The following EPRS1 variants were observed in gnomAD, a reference collection of about 807,000 sequenced individuals.
EPRS1 encodes glutamyl-prolyl-tRNA synthetase 1, also known as bifunctional glutamate/proline--tRNA ligase.
In EPRS1, 107 loss-of-function variants were observed where a neutral mutation model predicts 188.3. The ratio of observed to expected loss-of-function variants is 0.57; its 90% CI spans 0.49 to 0.67. The LOEUF is 0.67. Among genes scored for constraint, EPRS1 ranks in the 30% least tolerant of loss-of-function variants. The pLI, the probability that EPRS1 is intolerant of heterozygous loss-of-function variation, is 0.00. For synonymous variants in EPRS1, 596 were observed against 593.1 expected, an observed-to-expected ratio of 1.00 and a Z score of -0.07; for missense variants, 1,577 against 1,802.2, an observed-to-expected ratio of 0.88 and a Z score of 2.26.
At chr1:219,974,722 A>C (rs1296204677) in intron 28 of EPRS1, among the ~76,000 whole-genome samples, 4 of 152,184 alleles carry the variant, frequency 2.6e-5, no homozygotes, top group Admixed American at 2.6e-4. Flanking sequence ...TAAATATTAC[A>C]TTATTTTATT....
At chr1:219,986,842 C>CA (rs774184464) in intron 20 of EPRS1, among the ~76,000 whole-genome samples, 25 of 151,490 alleles carry the variant, frequency 1.7e-4, no homozygotes, top group Admixed American at 4.6e-4. Flanking sequence ...GAAAATCGCT[C>CA]AACAGATACA....
chr1:219,978,441 A>C, intron 28 of EPRS1, 105 bp downstream of exon 28: 1 of 840,432 alleles, frequency 1.2e-6, no homozygotes, highest in Non-Finnish European at 1.8e-6. Context: ...CAACTATCAA[A>C]ATAGAGGAAA....
intron 4 of EPRS1, among the ~76,000 whole-genome samples, chr1:220,032,727 C>T (rs566025891): frequency 6.6e-6 from 1 of 152,102 alleles, no homozygotes; most frequent in Non-Finnish European, 1.5e-5. Context: ...ACCGTAGATA[C>T]AACCAACTGA....
At chr1:219,994,264 G>C (rs140673484) in intron 18 of EPRS1, among the ~76,000 whole-genome samples, 1 of 152,040 alleles carries the variant, frequency 6.6e-6, no homozygotes, top group Non-Finnish European at 1.5e-5. Context: ...AAATGCTCCC[G>C]GTCTGAGTGT....
At chr1:220,022,861 CCTTCT>C (rs369862599) in intron 8 of EPRS1, among the ~76,000 whole-genome samples, 77 of 152,354 alleles carry the variant, frequency 5.1e-4, no homozygotes, top group African/African-American at 1.8e-3. Context: ...CGGGCCAGCC[CCTTCT>C]CTTCTCATCT....
chr1:219,973,527 A>C (rs1660710398), intron 28 of EPRS1, 129 bp from the exon 29 acceptor site: 3 of 415,854 alleles, frequency 7.2e-6, no homozygotes, highest in Non-Finnish European at 7.5e-6. Context: ...CAAAAAAAAC[A>C]AGAGAAAAAA....
At chr1:219,988,018 C>T (rs2647459) in intron 19 of EPRS1, among the ~76,000 whole-genome samples, 88,303 of 151,938 alleles carry the variant, frequency 0.58, 26,952 homozygotes, top group Non-Finnish European at 0.69. Flanking sequence ...CATTAAATTA[C>T]ATAAGTTGAA....
chr1:219,975,096 C>A (rs537432401), intron 28 of EPRS1, among the ~76,000 whole-genome samples: 1 of 152,210 alleles, frequency 6.6e-6, no homozygotes, highest in South Asian at 2.1e-4. Context: ...TTAAAGAAAA[C>A]TAAAAGGCAT....
chr1:219,987,145 G>T lies in EPRS1; in HGVS notation c.3035C>A (p.Thr1012Asn). Residue 1012 changes from threonine to asparagine, a missense_variant, in exon 20 of 32, where the codon ACC becomes AAC. Coordinates refer to ENST00000366923, the MANE Select transcript of EPRS1 (RefSeq NM_004446.3). The part of the protein sequence containing the change: ...AGEGQGPKKQ[T>N]RLGLEAKKEE... ...TGAAGTTTCTGCGATTCATTACCTG[G>T]TCTGTTTCTTAGGCCCCTGCCCTTC... 3 of 1,604,730 alleles carry T rather than the reference G, an allele frequency of 1.9e-6. No individual in the cohort carries two copies. Among genetic ancestry groups the T allele is most frequent in the Non-Finnish European group, 2.5e-6 (3 of 1,177,400 alleles).
intron 2 of EPRS1, among the ~76,000 whole-genome samples, chr1:220,039,172 A>G (rs2102600135): frequency 6.6e-6 from 1 of 152,296 alleles, no homozygotes; most frequent in African/African-American, 2.4e-5. Context: ...CTGAAGCAAC[A>G]TTCCCCTGTC....
At chr1:220,033,741 C>T in intron 3 of EPRS1, 83 bp from the exon 4 acceptor site, 2 of 950,290 alleles carry the variant, frequency 2.1e-6, no homozygotes, top group Non-Finnish European at 3.3e-6. Flanking sequence ...TTCTAGTTAA[C>T]TAGAGCAACA....
At chr1:220,018,424 G>C (rs770290830) in intron 12 of EPRS1, 25 bp downstream of exon 12, 4 of 1,566,508 alleles carry the variant, frequency 2.6e-6, no homozygotes, top group Non-Finnish European at 3.5e-6. Flanking sequence ...CATGAGAAAA[G>C]AAGGCAGAGA....
chr1:220,032,656 T>A, intron 4 of EPRS1, 130 bp from the exon 5 acceptor site: 1 of 865,470 alleles, frequency 1.2e-6, no homozygotes, highest in Non-Finnish European at 1.8e-6. Flanking sequence ...ATGTTAAATA[T>A]CTGGATATAC....
At chr1:219,998,918 C>CA (rs35145633) in intron 17 of EPRS1, among the ~76,000 whole-genome samples, 5,142 of 126,384 alleles carry the variant, frequency 0.041, 251 homozygotes, top group African/African-American at 0.13. Context: ...AGTGTAACAC[C>CA]AAAAAAAAAA....
chr1:220,028,092 A>G (rs1662018127), intron 6 of EPRS1, among the ~76,000 whole-genome samples: 1 of 152,090 alleles, frequency 6.6e-6, no homozygotes, highest in South Asian at 2.1e-4. Flanking sequence ...GTGTAAATCT[A>G]AAACTATTCT....
chr1:219,970,421 A>AT (rs5781161), intron 30 of EPRS1, among the ~76,000 whole-genome samples: 73,343 of 152,068 alleles, frequency 0.48, 19,301 homozygotes, highest in African/African-American at 0.71. Context: ...AAAATCGTAA[A>AT]TAAAGTGAAA....
In EPRS1 at chr1:220,003,502, C is replaced by T. The variant is rs554871257; in HGVS notation, c.2063+1746G>A. 2.2e-4 allele frequency among the ~76,000 whole-genome samples: 34 copies of T among 152,202 alleles called. No individual in the cohort carries two copies. In the East Asian group the frequency reaches 3.1e-3, roughly 14 times the overall value. On this transcript the variant is annotated intron_variant, in intron 16 of 31. Coordinates refer to ENST00000366923, the MANE Select transcript of EPRS1 (RefSeq NM_004446.3). ...CCAAGGTTACAAAGATTTACATTCA[C>T]GTTTTCTTCTAAGAGTTTTATAGTT...
intron 12 of EPRS1, 152 bp downstream of exon 12, chr1:220,018,296 TA>T (rs1558056836): frequency 1.1e-6 from 1 of 909,578 alleles, no homozygotes; most frequent in Non-Finnish European, 1.7e-6. Context: ...TTCGTGTATT[TA>T]AAAAAGGAAA....
Position 219,980,228 on chromosome 1 carries a change from G to C in EPRS1, c.3568C>G (p.Leu1190Val), listed in dbSNP as rs781345508. The C allele has an allele frequency of 6.2e-7, 1 of 1,610,430 alleles. No homozygotes were observed. Among genetic ancestry groups the C allele is most frequent in the Non-Finnish European group, 8.5e-7 (1 of 1,177,466 alleles). ...EEAAEEVLQI[L>V]DLYAQVYEEL... ...TCATATACCTGAGCATATAAGTCAA[G>C]TATCTGCAAGACCTGTAACATTTTA... is the stretch of plus-strand genomic sequence containing the variant. Residue 1190 changes from leucine (L) to valine (V), a missense_variant, in exon 26 of 32, where the codon CTT (leucine) becomes GTT (valine). Physicochemically the swap from Leu to Val is conservative, Grantham distance 32. Transcript: ENST00000366923.
Sources: gnomAD v4.1 joint callset for allele counts (sites outside exome capture counted in the v4.1 genomes callset) on GRCh38, gnomAD v4.1.1 for gene constraint, MANE v1.5 for transcripts, NCBI Gene and HGNC (gene_info 2026-07-23, HGNC 2026-07-21) for gene names.